Variants in PLCH1 observed in about 807,000 individuals in gnomAD.
PLCH1 encodes the protein 1-phosphatidylinositol 4,5-bisphosphate phosphodiesterase eta-1.
Under a neutral mutation model 126.7 loss-of-function variants are expected in PLCH1, and 60 were observed. That is an observed-to-expected ratio of 0.47 (90% CI 0.38 to 0.59). PLCH1 has a LOEUF of 0.59. Ranked by LOEUF, PLCH1 falls within the 20% of genes least tolerant of loss-of-function variation. The pLI, the probability that PLCH1 is intolerant of heterozygous loss-of-function variation, is 0.00. For synonymous variants in PLCH1, 719 were observed against 734.9 expected, an observed-to-expected ratio of 0.98 and a Z score of 0.35; for missense variants, 1,723 against 2,040.0, an observed-to-expected ratio of 0.84 and a Z score of 2.99.
chr3:155,638,716 T>C (rs1739025094), intron 2 of PLCH1, among the ~76,000 whole-genome samples: 1 of 152,244 alleles, frequency 6.6e-6, no homozygotes, highest in Non-Finnish European at 1.5e-5. Context: ...ACTCTCTTGT[T>C]ATTTAATTAA....
rs549445625 is a variant in PLCH1 at position 155,730,911 on chromosome 3, T to C, written c.-41+13929A>G. On this transcript the variant is annotated intron_variant, in intron 1 of 22. Coordinates refer to ENST00000460012, the MANE Select transcript of PLCH1 (RefSeq NM_014996.4). ...TAATGGACATTGCCTTACACCCTAA[T>C]GCCAGGCCCAACCCAGTAAAATCCA... is the stretch of plus-strand genomic sequence containing the variant. Among the ~76,000 whole-genome samples the C allele has an allele frequency of 2.1e-3, 315 of 152,292 alleles. 2 individuals carry two copies. The highest frequency in any genetic ancestry group is 0.014 in the South Asian group (69 of 4,824).
intron 21 of PLCH1, among the ~76,000 whole-genome samples, chr3:155,454,712 T>C (rs1463182472): frequency 1.3e-5 from 2 of 152,204 alleles, no homozygotes; most frequent in Non-Finnish European, 2.9e-5. Context: ...TGTCTCAGTC[T>C]TTTTGGTTTC....
intron 2 of PLCH1, among the ~76,000 whole-genome samples, chr3:155,654,103 C>A (rs1054345124): frequency 6.6e-6 from 1 of 150,854 alleles, no homozygotes; most frequent in Non-Finnish European, 1.5e-5. Context: ...TTTCTCAGTG[C>A]TCATTTTACT....
At chr3:155,540,118 C>T (rs931884603) in intron 10 of PLCH1, among the ~76,000 whole-genome samples, 15 of 152,044 alleles carry the variant, frequency 9.9e-5, no homozygotes, top group African/African-American at 3.6e-4. Context: ...TTTGACAAAG[C>T]AAACAAAAAC....
At chr3:155,645,143 T>G (rs1739872331) in intron 2 of PLCH1, among the ~76,000 whole-genome samples, 1 of 152,216 alleles carries the variant, frequency 6.6e-6, no homozygotes, top group African/African-American at 2.4e-5. Context: ...AATATCCCAG[T>G]ACCCCCAAGA....
At chr3:155,519,476 T>C (rs575201507) in intron 11 of PLCH1, among the ~76,000 whole-genome samples, 98 of 152,138 alleles carry the variant, frequency 6.4e-4, no homozygotes, top group Non-Finnish European at 1.2e-3. Flanking sequence ...TCGCTGAATA[T>C]GCAGAAGGAT....
chr3:155,565,366 G>A (rs1577023814), intron 7 of PLCH1, among the ~76,000 whole-genome samples: 1 of 152,046 alleles, frequency 6.6e-6, no homozygotes, highest in African/African-American at 2.4e-5. Flanking sequence ...CTGGTGGGAG[G>A]TGTATGGATC....
intron 9 of PLCH1, among the ~76,000 whole-genome samples, chr3:155,551,021 A>G (rs1190075930): frequency 2.0e-5 from 3 of 152,162 alleles, no homozygotes; most frequent in African/African-American, 7.2e-5. Context: ...ATTTCTTCAC[A>G]TAGGTTTTAC....
chr3:155,664,761 T>G (rs1369437632), intron 2 of PLCH1, among the ~76,000 whole-genome samples: 1 of 152,246 alleles, frequency 6.6e-6, no homozygotes, highest in African/African-American at 2.4e-5. Flanking sequence ...TCATATATAT[T>G]AGCTCAAAAT....
At chr3:155,560,364 T>C (rs1290414204) in intron 8 of PLCH1, among the ~76,000 whole-genome samples, 1 of 152,164 alleles carries the variant, frequency 6.6e-6, no homozygotes, top group African/African-American at 2.4e-5. Flanking sequence ...GAATGTCACC[T>C]TGAGACATCT....
intron 2 of PLCH1, among the ~76,000 whole-genome samples, chr3:155,626,768 CAAAAAAAAAAAA>C (rs71155058): frequency 3.2e-4 from 16 of 49,650 alleles, no homozygotes; most frequent in South Asian, 8.6e-4. Context: ...GACTCCGTCT[CAAAAAAAAAAAA>C]AAAAAAAAAA....
At chr3:155,702,090 C>A (rs528254687) in intron 2 of PLCH1, among the ~76,000 whole-genome samples, 1 of 152,202 alleles carries the variant, frequency 6.6e-6, no homozygotes, top group East Asian at 1.9e-4. Flanking sequence ...ATACTGCCCC[C>A]TTGTGTATCT....
intron 21 of PLCH1, among the ~76,000 whole-genome samples, chr3:155,486,513 GT>G (rs397733786): frequency 0.26 from 26,812 of 101,972 alleles, 1,802 homozygotes; most frequent in African/African-American, 0.41. Context: ...GCTCAAGTTT[GT>G]TTTTTTTTTT....
intron 1 of PLCH1, among the ~76,000 whole-genome samples, chr3:155,725,065 C>A (rs928567202): frequency 1.3e-5 from 2 of 151,956 alleles, no homozygotes; most frequent in Non-Finnish European, 2.9e-5. Context: ...AAAATTCTTG[C>A]CTGATAATTG....
intron 9 of PLCH1, among the ~76,000 whole-genome samples, chr3:155,553,379 AGTGCTACAGGAGCCACC>A (rs1726389167): frequency 1.3e-5 from 2 of 152,150 alleles, no homozygotes; most frequent in Admixed American, 6.5e-5. Flanking sequence ...AGCCTCCCAA[AGTGCTACAGGAGCCACC>A]GTGCCCGGCC....
intron 3 of PLCH1, among the ~76,000 whole-genome samples, 177 bp downstream of exon 3, chr3:155,596,055 T>C (rs1344120870): frequency 6.6e-6 from 1 of 152,164 alleles, no homozygotes; most frequent in Non-Finnish European, 1.5e-5. Context: ...AGAAAACTTT[T>C]ATGGATTTAA....
chr3:155,511,793 T>A (rs1412041620), intron 12 of PLCH1, among the ~76,000 whole-genome samples: 8 of 150,980 alleles, frequency 5.3e-5, no homozygotes, highest in Non-Finnish European at 8.9e-5. Flanking sequence ...CAGAGGTTAC[T>A]GCTGTCTGTT....
chr3:155,610,131 G>A (rs942769137), intron 2 of PLCH1, among the ~76,000 whole-genome samples: 6 of 151,910 alleles, frequency 3.9e-5, no homozygotes, highest in East Asian at 1.9e-4. Flanking sequence ...AGGCCAAGGC[G>A]GGCGGATCAC....
At chr3:155,589,479 G>A (rs1159055434) in intron 4 of PLCH1, among the ~76,000 whole-genome samples, 1 of 151,912 alleles carries the variant, frequency 6.6e-6, no homozygotes, top group African/African-American at 2.4e-5. Context: ...CTTAGCTCAG[G>A]AGTCCACGCA....
Sources: gnomAD v4.1 joint callset for allele counts (sites outside exome capture counted in the v4.1 genomes callset) on GRCh38, gnomAD v4.1.1 for gene constraint, MANE v1.5 for transcripts, NCBI Gene and HGNC (gene_info 2026-07-23, HGNC 2026-07-21) for gene names.